The following RNF220 variants were observed in gnomAD, a reference collection of about 807,000 sequenced individuals.
The protein encoded by RNF220 is E3 ubiquitin-protein ligase RNF220.
RNF220 carries 7 observed loss-of-function variants against 67.1 expected under a neutral mutation model. The observed-to-expected ratio is 0.10, with a 90% confidence interval of 0.06 to 0.20. The LOEUF is 0.20. Ranked by LOEUF, RNF220 falls within the 10% of genes least tolerant of loss-of-function variation. The pLI is 1.00. For missense variants in RNF220, 565 were observed against 740.3 expected (o/e 0.76, Z 2.75); for synonymous variants, 270 against 283.2 (o/e 0.95, Z 0.47).
At chr1:44,602,597 C>T (rs369194033) in intron 2 of RNF220, among the ~76,000 whole-genome samples, 2 of 152,230 alleles carry the variant, frequency 1.3e-5, no homozygotes, top group African/African-American at 4.8e-5. Flanking sequence ...GAACTGCCTG[C>T]ATCTCTAGCC....
At chr1:44,608,217 A>C (rs270737) in intron 2 of RNF220, among the ~76,000 whole-genome samples, 25,117 of 152,080 alleles carry the variant, frequency 0.17, 2,236 homozygotes, top group Admixed American at 0.25. Flanking sequence ...GAGCCACCAC[A>C]CCGGCCCCAT....
At chr1:44,531,569 A>G (rs1306939279) in intron 2 of RNF220, among the ~76,000 whole-genome samples, 1 of 152,196 alleles carries the variant, frequency 6.6e-6, no homozygotes, top group African/African-American at 2.4e-5. Flanking sequence ...AGCTAGCACA[A>G]TGCCTGGCAG....
intron 8 of RNF220, chr1:44,643,194 G>C (rs1168802875): frequency 1.3e-5 from 2 of 152,312 alleles, no homozygotes; most frequent in Non-Finnish European, 2.9e-5. Flanking sequence ...CTTGCCTTTG[G>C]GATTGGTGGT....
intron 2 of RNF220, among the ~76,000 whole-genome samples, chr1:44,577,132 T>C (rs969409973): frequency 6.6e-6 from 1 of 152,216 alleles, no homozygotes; most frequent in Admixed American, 6.5e-5. Context: ...CTGGCTCTCA[T>C]AGGAAAGTTC....
intron 2 of RNF220, among the ~76,000 whole-genome samples, chr1:44,433,575 A>C (rs191308929): frequency 6.6e-6 from 1 of 152,372 alleles, no homozygotes; most frequent in Non-Finnish European, 1.5e-5. Context: ...GTTTTAAAAC[A>C]GTGAAATAAA....
intron 2 of RNF220, among the ~76,000 whole-genome samples, chr1:44,537,936 A>T (rs930501287): frequency 2.0e-5 from 3 of 152,200 alleles, no homozygotes; most frequent in African/African-American, 4.8e-5. Flanking sequence ...GAACCTTCTC[A>T]AGGCGTAGCT....
At chr1:44,536,752 G>A (rs762228858) in intron 2 of RNF220, among the ~76,000 whole-genome samples, 2 of 152,152 alleles carry the variant, frequency 1.3e-5, no homozygotes, top group African/African-American at 2.4e-5. Flanking sequence ...AGGGGAATTC[G>A]AAACAACTGT....
chr1:44,416,633 C>A (rs1336469312), intron 2 of RNF220, among the ~76,000 whole-genome samples: 1 of 152,234 alleles, frequency 6.6e-6, no homozygotes, highest in African/African-American at 2.4e-5. Flanking sequence ...GCTGAGAGGG[C>A]CCAGAACTGC....
intron 2 of RNF220, among the ~76,000 whole-genome samples, chr1:44,495,578 G>T (rs138178318): frequency 6.6e-6 from 1 of 152,176 alleles, no homozygotes; most frequent in African/African-American, 2.4e-5. Flanking sequence ...AGGGATTACA[G>T]GTGTGCGCCA....
intron 2 of RNF220, among the ~76,000 whole-genome samples, chr1:44,435,649 G>A (rs1021647441): frequency 6.6e-5 from 10 of 152,206 alleles, no homozygotes; most frequent in African/African-American, 2.2e-4. Context: ...GGAAGAAAAG[G>A]CCAGGCATGG....
At chr1:44,646,777 A>C (rs1292624040) in intron 12 of RNF220, among the ~76,000 whole-genome samples, 1 of 152,170 alleles carries the variant, frequency 6.6e-6, no homozygotes, top group Non-Finnish European at 1.5e-5. Flanking sequence ...CTCTATGATG[A>C]GGTGGAGACT....
In RNF220 at chr1:44,614,201, C is replaced by T. The variant is rs766768098; in HGVS notation, c.662C>T (p.Ala221Val). 2 of 1,614,222 alleles carry T rather than the reference C, an allele frequency of 1.2e-6. No homozygotes were observed. The highest frequency in any genetic ancestry group is 3.3e-5 in the Admixed American group (2 of 60,028). Reference protein sequence around the residue: ...KKAAALFDSQAPICPICQVLL... With the variant: ...KKAAALFDSQVPICPICQVLL... ...GCAGCGGCATTGTTCGACAGCCAGGCCCCAATTTGCCCCATCTGCCAGGTC... is the reference window on the plus strand; with the variant it reads ...GCAGCGGCATTGTTCGACAGCCAGGTCCCAATTTGCCCCATCTGCCAGGTC... The change falls in exon 3 of 15, where the codon GCC becomes GTC. Residue 221 changes from alanine to valine, a missense_variant. Physicochemically the swap from Ala to Val is moderately conservative, Grantham distance 64. Coordinates refer to ENST00000361799, the MANE Select transcript of RNF220 (RefSeq NM_018150.4).
intron 2 of RNF220, among the ~76,000 whole-genome samples, chr1:44,475,287 C>T (rs1029126450): frequency 6.6e-6 from 1 of 152,108 alleles, no homozygotes; most frequent in Admixed American, 6.6e-5. Flanking sequence ...ATAAAATGTT[C>T]AGGCTGGGCG....
At chr1:44,449,891 G>A (rs1323446264) in intron 2 of RNF220, among the ~76,000 whole-genome samples, 2 of 152,106 alleles carry the variant, frequency 1.3e-5, no homozygotes, top group African/African-American at 2.4e-5. Flanking sequence ...TCCACGTAAC[G>A]GAGATACAGA....
rs571761609 is a variant in RNF220, at chr1:44,570,165, G to T, written c.626-44000G>T. Among the ~76,000 whole-genome samples the T allele has an allele frequency of 5.9e-5, 9 of 152,326 alleles. No individual in the cohort carries two copies. In the East Asian group the frequency reaches 1.7e-3, roughly 29 times the overall value. On this transcript the variant is annotated intron_variant, in intron 2 of 14. Transcript: ENST00000361799. ...GACAGTCCAGTCCTTTGTCACTGCTGTAGTGCCTGTGCTTTTCCATCCCTC... is the reference window on the plus strand; with the variant it reads ...GACAGTCCAGTCCTTTGTCACTGCTTTAGTGCCTGTGCTTTTCCATCCCTC...
chr1:44,634,015 C>G (rs1557463414), intron 6 of RNF220, among the ~76,000 whole-genome samples: 1 of 152,268 alleles, frequency 6.6e-6, no homozygotes, highest in East Asian at 1.9e-4. Context: ...AAGAGATGGA[C>G]TGGGCTACAG....
At chr1:44,533,910 G>A (rs1661014178) in intron 2 of RNF220, among the ~76,000 whole-genome samples, 1 of 152,210 alleles carries the variant, frequency 6.6e-6, no homozygotes, top group Non-Finnish European at 1.5e-5. Context: ...ATAGAGGTAG[G>A]GCCTAGGAGA....
chr1:44,445,698 A>C (rs1462578380), intron 2 of RNF220, among the ~76,000 whole-genome samples: 1 of 152,034 alleles, frequency 6.6e-6, no homozygotes, highest in Non-Finnish European at 1.5e-5. Flanking sequence ...AACCTTTACC[A>C]ACTCTCCTTC....
intron 2 of RNF220, among the ~76,000 whole-genome samples, chr1:44,463,986 G>A (rs1401006075): frequency 6.6e-6 from 1 of 152,206 alleles, no homozygotes; most frequent in Non-Finnish European, 1.5e-5. Context: ...CTTTGGAGGG[G>A]TGCCTCCTAA....
Sources: gnomAD v4.1 joint callset for allele counts (sites outside exome capture counted in the v4.1 genomes callset) on GRCh38, gnomAD v4.1.1 for gene constraint, MANE v1.5 for transcripts, NCBI Gene and HGNC (gene_info 2026-07-23, HGNC 2026-07-21) for gene names.